GALNS: variants seen among roughly 807,000 people sequenced by gnomAD.
The protein encoded by GALNS is N-acetylgalactosamine-6-sulfatase.
In GALNS, 65 loss-of-function variants were observed where a neutral mutation model predicts 65.9. That is an observed-to-expected ratio of 0.99 (90% CI 0.81 to 1.21). The LOEUF (loss-of-function observed/expected upper bound fraction) is 1.21, where lower values mean the gene tolerates loss of function less well. Ranked by LOEUF, GALNS falls within the 50% of genes most tolerant of loss-of-function variation. The pLI is 0.00. For missense variants in GALNS, 776 were observed against 700.7 expected, an observed-to-expected ratio of 1.11 and a Z score of -1.21; for synonymous variants, 346 against 288.9, an observed-to-expected ratio of 1.20 and a Z score of -2.00.
At chr16:88,831,237 G>T (rs932277826) in intron 9 of GALNS, among the ~76,000 whole-genome samples, 38 of 150,450 alleles carry the variant, frequency 2.5e-4, no homozygotes, top group African/African-American at 9.1e-4. Context: ...CACGGGGTGC[G>T]TGGGGAGGAG....
At chr16:88,842,918 G>A (rs773226167) in intron 1 of GALNS, 89 bp from the exon 2 acceptor site, 383 of 1,561,424 alleles carry the variant, frequency 2.5e-4, no homozygotes, top group Non-Finnish European at 2.5e-4. Flanking sequence ...AGAGCGTGTC[G>A]GGGACCGTGG....
intron 1 of GALNS, chr16:88,855,290 C>T (rs1300525147): frequency 1.4e-6 from 1 of 699,906 alleles, no homozygotes; most frequent in African/African-American, 1.7e-5. Context: ...ACCTGCAGAG[C>T]CCAGCTCATC....
intron 1 of GALNS, chr16:88,844,519 C>T (rs574110357): frequency 2.0e-5 from 3 of 152,280 alleles, no homozygotes; most frequent in Non-Finnish European, 4.4e-5. Context: ...TCTGGCCTGT[C>T]TTCCTTCCTT....
At chr16:88,837,600 G>A in intron 5 of GALNS, 22 bp downstream of exon 5, 1 of 1,611,396 alleles carries the variant, frequency 6.2e-7, no homozygotes, top group Non-Finnish European at 8.5e-7. Context: ...ACGTGGGAGG[G>A]GAAGGGGTGG....
At chr16:88,837,995 C>T in intron 4 of GALNS, 2 of 544,198 alleles carry the variant, frequency 3.7e-6, no homozygotes, top group South Asian at 2.2e-5. Context: ...CCGAGGGCGG[C>T]AGGCATGGCG....
intron 5 of GALNS, among the ~76,000 whole-genome samples, 166 bp downstream of exon 5, chr16:88,837,456 T>C (rs1597573040): frequency 6.6e-6 from 1 of 152,162 alleles, no homozygotes; most frequent in East Asian, 1.9e-4. Context: ...GGGCAAAACT[T>C]GGTGGGACAG....
chr16:88,843,646 C>G (rs1460776288), intron 1 of GALNS: 1 of 175,780 alleles, frequency 5.7e-6, no homozygotes, highest in Admixed American at 5.5e-5. Context: ...CAGCCACCAG[C>G]CAGGGGACAG....
At chr16:88,834,549 G>C (rs1911889169) in intron 8 of GALNS, among the ~76,000 whole-genome samples, 1 of 143,730 alleles carries the variant, frequency 7.0e-6, no homozygotes, top group East Asian at 2.0e-4. Context: ...CGCGTGGTCT[G>C]GGAAGAGGCT....
At position 88,823,094 on chromosome 16, in the gene GALNS, T is replaced by C. The variant is rs371983870; in HGVS notation, c.1243-384A>G. ...ACCTTAGCCAGCCTCAGATCTGGAC[T>C]GCCACTAATTTCATGGAGGAAAGCC... On this transcript the variant is annotated intron_variant, in intron 11 of 13. Transcript: ENST00000268695. Among the ~76,000 whole-genome samples, 177 of 152,252 alleles carry C rather than the reference T, an allele frequency of 1.2e-3. 1 individual carries two copies. In the South Asian group the frequency reaches 0.014, roughly 12 times the overall value.
At chr16:88,829,911 G>T (rs904950102) in intron 9 of GALNS, among the ~76,000 whole-genome samples, 4 of 152,170 alleles carry the variant, frequency 2.6e-5, no homozygotes, top group African/African-American at 9.7e-5. Flanking sequence ...GCAGGGGGTG[G>T]GGTGGGACAC....
intron 12 of GALNS, among the ~76,000 whole-genome samples, chr16:88,818,710 C>T (rs570949089): frequency 1.1e-4 from 17 of 152,358 alleles, no homozygotes; most frequent in South Asian, 2.1e-4. Flanking sequence ...CTTGGGTCCA[C>T]GGCGCCGTCA....
intron 1 of GALNS, among the ~76,000 whole-genome samples, chr16:88,850,577 G>A (rs1343386097): frequency 6.6e-6 from 1 of 152,190 alleles, no homozygotes; most frequent in Non-Finnish European, 1.5e-5. Flanking sequence ...GAGCACTCTC[G>A]CTGGGAGGAG....
At chr16:88,823,494 C>T (rs1417056873) in intron 11 of GALNS, among the ~76,000 whole-genome samples, 8 of 151,578 alleles carry the variant, frequency 5.3e-5, no homozygotes, top group African/African-American at 1.2e-4. Context: ...GCGGCAATGC[C>T]GGGGACCGAT....
intron 13 of GALNS, chr16:88,815,895 T>C: frequency 1.0e-6 from 1 of 985,358 alleles, no homozygotes; most frequent in Non-Finnish European, 1.2e-6. Context: ...CGCTCAGCTG[T>C]CCCAGAAGCA....
chr16:88,815,718 C>T (rs1909552234), intron 13 of GALNS: 1 of 985,360 alleles, frequency 1.0e-6, no homozygotes, highest in Admixed American at 6.1e-5. Context: ...TAAGGACAGT[C>T]TCCAGCCCTA....
chr16:88,817,333 T>C, intron 13 of GALNS: 1 of 985,432 alleles, frequency 1.0e-6, no homozygotes, highest in Non-Finnish European at 1.2e-6. Context: ...TGGCCGATGC[T>C]GGCGTGATGA....
At position 88,837,658 on chromosome 16, in the gene GALNS, T is replaced by C. The variant is rs2143002347; in HGVS notation, c.530A>G (p.Asn177Ser). Reference sequence around the variant, plus strand: ...CTCCCAGTCCCTGTACACAGGGATGTTGGGCCTGGCCTTGTTGTCATAAGG... The same window carrying C: ...CTCCCAGTCCCTGTACACAGGGATGCTGGGCCTGGCCTTGTTGTCATAAGG... Reference protein sequence around the residue: ...FGPYDNKARPNIPVYRDWEMV... With the variant: ...FGPYDNKARPSIPVYRDWEMV... Residue 177 changes from asparagine to serine, a missense_variant, in exon 5 of 14, where the codon AAC becomes AGC. Physicochemically the swap from Asn to Ser is conservative, Grantham distance 46. Coordinates refer to ENST00000268695, the MANE Select transcript of GALNS (RefSeq NM_000512.5). 1 of 1,613,898 alleles carries C rather than the reference T, an allele frequency of 6.2e-7. No homozygotes were observed. Among genetic ancestry groups the C allele is most frequent in the South Asian group, 1.1e-5 (1 of 91,068 alleles).
chr16:88,837,406 A>T (rs538947842), intron 5 of GALNS, among the ~76,000 whole-genome samples: 1 of 152,346 alleles, frequency 6.6e-6, no homozygotes, highest in South Asian at 2.1e-4. Flanking sequence ...TACGACCCTG[A>T]AAAGGTGGGA....
intron 9 of GALNS, among the ~76,000 whole-genome samples, chr16:88,829,594 G>A (rs201998214): frequency 6.6e-6 from 1 of 152,178 alleles, no homozygotes; most frequent in Non-Finnish European, 1.5e-5. Context: ...GGCAGTTGCC[G>A]CCCCCAGTCC....
Sources: allele counts gnomAD v4.1 joint callset (sites outside exome capture counted in the v4.1 genomes callset), GRCh38; gene constraint gnomAD v4.1.1; transcripts MANE v1.5; gene names NCBI Gene and HGNC (gene_info 2026-07-23, HGNC 2026-07-21).